CTBP2: variants seen among roughly 807,000 people sequenced by gnomAD.
The protein encoded by CTBP2 is C-terminal binding protein 2.
Under a neutral mutation model 80.3 loss-of-function variants are expected in CTBP2, and 30 were observed. The ratio of observed to expected loss-of-function variants is 0.37; its 90% CI spans 0.28 to 0.51. The LOEUF (loss-of-function observed/expected upper bound fraction) is 0.51. CTBP2 is among the 20% of genes least tolerant of loss of function. The probability of loss-of-function intolerance (pLI) is 0.93; values close to 1 mark genes in which losing one functional copy is unlikely to be tolerated. For synonymous variants in CTBP2, 594 were observed against 587.4 expected (o/e 1.01, Z -0.16); for missense variants, 1,212 against 1,375.3 (o/e 0.88, Z 1.88).
At chr10:125,133,218 C>A (rs1384483080) in intron 1 of CTBP2, among the ~76,000 whole-genome samples, 2 of 152,192 alleles carry the variant, frequency 1.3e-5, no homozygotes, top group Non-Finnish European at 2.9e-5. Flanking sequence ...CAGAAGACCA[C>A]ACAGATTCAA....
chr10:125,122,853 G>C (rs1353108186), intron 1 of CTBP2: 3 of 152,236 alleles, frequency 2.0e-5, no homozygotes, highest in Non-Finnish European at 4.4e-5. Context: ...CTCTTCCGCA[G>C]TGTTCTGGTC....
At chr10:125,014,901 A>G (rs1447072210) in intron 1 of CTBP2, among the ~76,000 whole-genome samples, 2 of 152,240 alleles carry the variant, frequency 1.3e-5, no homozygotes, top group Non-Finnish European at 2.9e-5. Context: ...ACCAGAGAGA[A>G]GGGCCAATCA....
At chr10:125,151,213 A>G (rs890403903) in intron 1 of CTBP2, among the ~76,000 whole-genome samples, 3 of 152,164 alleles carry the variant, frequency 2.0e-5, no homozygotes, top group Non-Finnish European at 4.4e-5. Flanking sequence ...AAATTCCTCC[A>G]TGGAGAAGAC....
chr10:125,050,815 G>A (rs1962545148), intron 2 of CTBP2, among the ~76,000 whole-genome samples: 1 of 152,198 alleles, frequency 6.6e-6, no homozygotes. Flanking sequence ...TAAGTTAGTG[G>A]AAAGAGGTTG....
At chr10:125,049,091 A>G (rs1590326117) in intron 2 of CTBP2, among the ~76,000 whole-genome samples, 1 of 147,018 alleles carries the variant, frequency 6.8e-6, no homozygotes, top group South Asian at 2.2e-4. Flanking sequence ...ACACACACAC[A>G]CGTCCACCTG....
intron 1 of CTBP2, among the ~76,000 whole-genome samples, chr10:125,006,513 A>G (rs899122943): frequency 5.3e-5 from 8 of 152,208 alleles, no homozygotes; most frequent in Admixed American, 2.0e-4. Flanking sequence ...CTGGACTGAA[A>G]TTCAAGCCCT....
chr10:125,127,910 G>A (rs1052043708), intron 1 of CTBP2, among the ~76,000 whole-genome samples: 6 of 152,064 alleles, frequency 3.9e-5, no homozygotes, highest in Admixed American at 2.0e-4. Flanking sequence ...CCCCTATTAC[G>A]GCATCCTATT....
chr10:125,007,636 C>T (rs1005769652), intron 1 of CTBP2, among the ~76,000 whole-genome samples: 7 of 152,156 alleles, frequency 4.6e-5, no homozygotes, highest in Non-Finnish European at 1.0e-4. Flanking sequence ...CCTTCTGGCT[C>T]AGTACCATGC....
intron 1 of CTBP2, among the ~76,000 whole-genome samples, chr10:125,127,253 A>G (rs59268599): frequency 0.011 from 1,705 of 151,986 alleles, 38 homozygotes; most frequent in African/African-American, 0.038. Flanking sequence ...CACTGACATC[A>G]CTGCCTCACC....
rs1846074931 is a variant in CTBP2, at chr10:125,075,081, T to A, written c.-102+35909A>T. On this transcript the variant is annotated intron_variant, in intron 2 of 10. Transcript: ENST00000337195. ...GGATCTTGGGTAGACAACGGTGATCTAAGACACAAATGCATCAACCATAAA... is the reference window on the plus strand; with the variant it reads ...GGATCTTGGGTAGACAACGGTGATCAAAGACACAAATGCATCAACCATAAA... 2.0e-5 allele frequency among the ~76,000 whole-genome samples: 3 copies of A among 152,350 alleles called. No individual in the cohort carries two copies. The South Asian group carries it at 6.2e-4, about 32-fold the overall frequency.
At chr10:125,149,266 T>C (rs550800629) in intron 1 of CTBP2, among the ~76,000 whole-genome samples, 33 of 152,292 alleles carry the variant, frequency 2.2e-4, no homozygotes, top group Middle Eastern at 6.8e-3. Context: ...CAACAGCCTC[T>C]GAGAAAGCAG....
At position 125,111,110 on chromosome 10, in the gene CTBP2, T is replaced by A. The variant is rs1398533193; in HGVS notation, c.-205-17A>T. ...GATGAAACCCTGAAAGCAAAATGAA[T>A]GGAGTCAGTGAAGATGAAGTAGAGA... On this transcript the variant is annotated splice_polypyrimidine_tract_variant and intron_variant, in intron 1 of 10. Coordinates refer to the CTBP2 transcript ENST00000337195. 1 of 152,356 alleles carries A rather than the reference T, an allele frequency of 6.6e-6. No individual in the cohort carries two copies. Among genetic ancestry groups the A allele is most frequent in the African/African-American group, 2.4e-5 (1 of 41,280 alleles). 9.4% of individuals were successfully genotyped at this position (152,356 alleles called of 1,614,324 possible).
chr10:125,045,315 T>C (rs747735567), intron 2 of CTBP2, among the ~76,000 whole-genome samples: 27 of 152,202 alleles, frequency 1.8e-4, no homozygotes, highest in Non-Finnish European at 3.7e-4. Context: ...ATGGTATTTT[T>C]CTTACAGCAG....
In CTBP2 at chr10:124,989,683, G is replaced by A. The variant is rs201062217; in HGVS notation, c.2793C>T (p.Ile931=). 8.3e-5 allele frequency: 132 copies of A among 1,583,684 alleles called. No homozygotes were observed. In the East Asian group the frequency reaches 1.0e-3, roughly 12 times the overall value. Reference sequence around the variant, plus strand: ...GAAGTCCTCCTGGAGCCACACCCACGATGCCTGGCGGATATCTAAGGAACA... The same window carrying A: ...GAAGTCCTCCTGGAGCCACACCCACAATGCCTGGCGGATATCTAAGGAACA... Residue 931 remains isoleucine, a synonymous_variant, in exon 9 of 9, where the codon ATC becomes ATT. Coordinates refer to ENST00000309035, the MANE Select transcript of CTBP2 (RefSeq NM_022802.3).
chr10:125,078,989 A>G (rs1484648192), intron 2 of CTBP2, among the ~76,000 whole-genome samples: 2 of 151,014 alleles, frequency 1.3e-5, no homozygotes, highest in African/African-American at 4.9e-5. Context: ...AAATACAAAA[A>G]AAAAAAAACG....
At chr10:125,132,797 C>T (rs987995033) in intron 1 of CTBP2, among the ~76,000 whole-genome samples, 1 of 152,212 alleles carries the variant, frequency 6.6e-6, no homozygotes, top group Non-Finnish European at 1.5e-5. Context: ...AGATGATGTA[C>T]TGAAATATCA....
At chr10:125,016,019 G>A (rs1192656224) in intron 1 of CTBP2, among the ~76,000 whole-genome samples, 1 of 140,538 alleles carries the variant, frequency 7.1e-6, no homozygotes, top group Non-Finnish European at 1.6e-5. Flanking sequence ...CCTACTGTGC[G>A]CTGGGTACCC....
At position 124,987,914 on chromosome 10, in the gene CTBP2, T is replaced by C. The variant is rs192557903; in HGVS notation, c.*1604A>G. The C allele has an allele frequency of 1.4e-4, 22 of 152,584 alleles. No homozygotes were observed. Among genetic ancestry groups the C allele is most frequent in the African/African-American group, 5.3e-4 (22 of 41,600 alleles). The allele number at this position is 152,584 out of a possible 1,614,324, so 9.5% of individuals were successfully genotyped here. On this transcript the variant is annotated 3_prime_UTR_variant, in exon 9 of 9. Coordinates refer to ENST00000309035, the MANE Select transcript of CTBP2 (RefSeq NM_022802.3). Reference sequence around the variant, plus strand: ...TCCATTAAATCAAGCTCTTAACTCATGGGACTATTTGCAACACTTCTTTGT... The same window carrying C: ...TCCATTAAATCAAGCTCTTAACTCACGGGACTATTTGCAACACTTCTTTGT...
chr10:125,026,832 G>C lies in CTBP2; in HGVS notation c.928C>G (p.Leu310Val), dbSNP rs769811964. The stretch of plus-strand genomic sequence containing the variant: ...GGGGAGTCAAAGCCCTGCTGCAGTA[G>C]GGCTCCCAGCGTGGCCTCTGCCAGC... Residue 310 changes from leucine (L) to valine (V), a missense_variant, in exon 1 of 9, where the codon CTA (leucine) becomes GTA (valine). Around this residue, in one of 3 missense-constraint regions of CTBP2, gnomAD observed 848 missense variants for 782.3 expected, o/e 1.08. Coordinates refer to ENST00000309035, the MANE Select transcript of CTBP2 (RefSeq NM_022802.3). 51 of 1,613,422 alleles carry C rather than the reference G, an allele frequency of 3.2e-5. No individual in the cohort carries two copies. The highest frequency in any genetic ancestry group is 3.1e-5 in the Non-Finnish European group (37 of 1,180,002).
Sources: gnomAD v4.1 joint callset for allele counts (sites outside exome capture counted in the v4.1 genomes callset) on GRCh38, gnomAD v4.1.1 for gene constraint, gnomAD v4.1.1 regional missense constraint, MANE v1.5 for transcripts, NCBI Gene and HGNC (gene_info 2026-07-23, HGNC 2026-07-21) for gene names.